WDPCP: variants seen among roughly 807,000 people sequenced by gnomAD.
WDPCP encodes WD repeat-containing and planar cell polarity effector protein fritz homolog.
Under a neutral mutation model 93.1 loss-of-function variants are expected in WDPCP, and 71 were observed. The observed-to-expected ratio is 0.76, with a 90% CI of 0.63 to 0.93. The LOEUF (loss-of-function observed/expected upper bound fraction) is 0.93. Ranked by LOEUF, WDPCP falls within the 40% of genes least tolerant of loss-of-function variation. The pLI is 0.00. For missense variants in WDPCP, 844 were observed against 887.4 expected (o/e 0.95, Z 0.62); for synonymous variants, 315 against 315.0 (o/e 1.00, Z 0.00).
At chr2:63,552,191 G>T (rs1705725903) in intron 1 of WDPCP, among the ~76,000 whole-genome samples, 1 of 149,756 alleles carries the variant, frequency 6.7e-6, no homozygotes, top group African/African-American at 2.5e-5. Flanking sequence ...TATTTCACTA[G>T]TATCAATATT....
intron 3 of WDPCP, among the ~76,000 whole-genome samples, chr2:63,616,439 A>G (rs745315681): frequency 6.6e-6 from 1 of 152,250 alleles, no homozygotes; most frequent in African/African-American, 2.4e-5. Flanking sequence ...GAGCCAGTCC[A>G]TGCTAGACCC....
At chr2:63,718,531 G>T (rs552579518) in intron 2 of WDPCP, among the ~76,000 whole-genome samples, 62 of 152,180 alleles carry the variant, frequency 4.1e-4, no homozygotes, top group African/African-American at 1.4e-3. Flanking sequence ...TTTCATGTTT[G>T]TTGGCTACTT....
Position 63,381,938 on chromosome 2 carries a change from A to G in WDPCP, c.1592T>C (p.Leu531Pro). The change falls in exon 11 of 18, where the codon CTT becomes CCT. Residue 531 changes from leucine (L) to proline (P), a missense_variant. Transcript: ENST00000272321. ...FISMSAIVNHLLRQKLTPERE... is the reference protein window; with the variant it reads ...FISMSAIVNHPLRQKLTPERE... ...CTCTGGAGTGAGCTTCTGTCTAAGA[A>G]GATGGTTTACAATGGCGCTCATGCT... The G allele has an allele frequency of 6.2e-7, 1 of 1,613,508 alleles. No individual in the cohort carries two copies. The highest frequency in any genetic ancestry group is 8.5e-7 in the Non-Finnish European group (1 of 1,179,694).
chr2:63,796,392 T>C (rs1337266120), intron 2 of WDPCP, among the ~76,000 whole-genome samples: 5 of 152,236 alleles, frequency 3.3e-5, no homozygotes, highest in Non-Finnish European at 7.3e-5. Flanking sequence ...GGCATCTTCA[T>C]AAGAACCAAA....
intron 12 of WDPCP, among the ~76,000 whole-genome samples, chr2:63,333,413 T>A (rs979988461): frequency 2.0e-5 from 3 of 152,172 alleles, no homozygotes; most frequent in Admixed American, 2.0e-4. Context: ...TTTCCTTCCT[T>A]CCTTTGCAGA....
chr2:63,158,872 C>T (rs980462194), intron 15 of WDPCP, among the ~76,000 whole-genome samples: 1 of 148,498 alleles, frequency 6.7e-6, no homozygotes, highest in East Asian at 2.0e-4. Context: ...CATGGTGGCT[C>T]ACACCTGTAA....
intron 12 of WDPCP, among the ~76,000 whole-genome samples, chr2:63,375,556 G>A (rs530651727): frequency 6.6e-6 from 1 of 151,958 alleles, no homozygotes; most frequent in African/African-American, 2.4e-5. Context: ...AAAAAGATGA[G>A]AAGTGAATTT....
chr2:63,135,164 A>G (rs1411514282), intron 17 of WDPCP, among the ~76,000 whole-genome samples: 3 of 152,136 alleles, frequency 2.0e-5, no homozygotes, highest in African/African-American at 4.8e-5. Flanking sequence ...GTGTGCAAAA[A>G]TCTTAAAATG....
chr2:63,588,507 G>A (rs977823537), upstream of WDPCP: 4 of 616,258 alleles, frequency 6.5e-6, no homozygotes, highest in Non-Finnish European at 1.2e-5. Context: ...AGTGTCAATC[G>A]TTTTTTAAAA....
At chr2:63,379,323 G>GAATAAACA (rs1207971076) in intron 11 of WDPCP, among the ~76,000 whole-genome samples, 6 of 152,082 alleles carry the variant, frequency 3.9e-5, no homozygotes, top group Admixed American at 2.6e-4. Context: ...GCACTGAGTT[G>GAATAAACA]AATAAACAAT....
At chr2:63,715,728 C>T (rs984275146) in intron 2 of WDPCP, among the ~76,000 whole-genome samples, 8 of 152,124 alleles carry the variant, frequency 5.3e-5, no homozygotes, top group Admixed American at 5.2e-4. Flanking sequence ...TCATACATTC[C>T]ATTGCATTTA....
intron 2 of WDPCP, chr2:63,752,220 A>C: frequency 1.4e-6 from 1 of 713,738 alleles, no homozygotes. Context: ...CCACTGCCTC[A>C]ATCAGTCATA....
At chr2:63,727,595 C>G (rs113845994) in intron 2 of WDPCP, among the ~76,000 whole-genome samples, 2,533 of 152,252 alleles carry the variant, frequency 0.017, 22 homozygotes, top group African/African-American at 0.017. Context: ...CCCTTCTCCT[C>G]TATTTTTCTG....
intron 15 of WDPCP, among the ~76,000 whole-genome samples, chr2:63,167,291 T>C (rs1352631340): frequency 2.0e-5 from 3 of 152,176 alleles, no homozygotes; most frequent in Non-Finnish European, 4.4e-5. Context: ...AATTTCTGGT[T>C]TTATCTTTAT....
At chr2:63,420,453 G>C (rs1357502755) in intron 9 of WDPCP, among the ~76,000 whole-genome samples, 2 of 149,418 alleles carry the variant, frequency 1.3e-5, no homozygotes, top group Non-Finnish European at 3.0e-5. Flanking sequence ...AAAATCACTT[G>C]AACCCGGGAG....
intron 16 of WDPCP, 44 bp from the exon 17 acceptor site, chr2:63,152,989 A>G: frequency 6.4e-7 from 1 of 1,572,858 alleles, no homozygotes; most frequent in Non-Finnish European, 8.7e-7. Flanking sequence ...AAAGTCTAAT[A>G]ATGGACCTTA....
intron 2 of WDPCP, chr2:63,751,561 C>CT (rs58326851): frequency 1.2e-3 from 476 of 392,760 alleles, no homozygotes; most frequent in Middle Eastern, 1.7e-3. Context: ...TAAAACATGT[C>CT]TTTTTTTTTA....
intron 2 of WDPCP, among the ~76,000 whole-genome samples, chr2:63,489,511 A>G (rs1700749616): frequency 6.6e-6 from 1 of 152,110 alleles, no homozygotes. Flanking sequence ...TTGCCCTCTA[A>G]AAGGAACAAA....
At chr2:63,490,255 G>A (rs1047915034) in intron 2 of WDPCP, among the ~76,000 whole-genome samples, 1 of 152,108 alleles carries the variant, frequency 6.6e-6, no homozygotes, top group Non-Finnish European at 1.5e-5. Flanking sequence ...CATTTAGACT[G>A]AAGTACATCA....
Sources: gnomAD v4.1 joint callset for allele counts (sites outside exome capture counted in the v4.1 genomes callset) on GRCh38, gnomAD v4.1.1 for gene constraint, MANE v1.5 for transcripts, NCBI Gene and HGNC (gene_info 2026-07-23, HGNC 2026-07-21) for gene names.